The following TCTN3 variants were observed in gnomAD, a reference collection of about 807,000 sequenced individuals.
The protein encoded by TCTN3 is tectonic-3.
TCTN3 carries 57 observed loss-of-function variants against 71.3 expected under a neutral mutation model. That is an observed-to-expected ratio of 0.80 (90% CI 0.65 to 1.00). The LOEUF (loss-of-function observed/expected upper bound fraction) is 1.00, where lower values mean the gene tolerates loss of function less well. Ranked by LOEUF, TCTN3 falls within the 50% of genes least tolerant of loss-of-function variation. TCTN3 has a pLI of 0.00. For synonymous variants in TCTN3, 258 were observed against 267.8 expected, an observed-to-expected ratio of 0.96 and a Z score of 0.36; for missense variants, 696 against 719.9, an observed-to-expected ratio of 0.97 and a Z score of 0.38.
At chr10:95,671,524 T>C (rs542801978) in intron 13 of TCTN3, among the ~76,000 whole-genome samples, 7 of 152,346 alleles carry the variant, frequency 4.6e-5, no homozygotes, top group Non-Finnish European at 1.0e-4. Flanking sequence ...CCATTATATG[T>C]TAATACCCTA....
At chr10:95,668,635 C>T (rs1337691064) in intron 13 of TCTN3, among the ~76,000 whole-genome samples, 2 of 140,738 alleles carry the variant, frequency 1.4e-5, no homozygotes, top group African/African-American at 4.9e-5. Context: ...AAATACTTTA[C>T]ATGCATCTTC....
chr10:95,673,137 C>T (rs994908446), intron 13 of TCTN3, among the ~76,000 whole-genome samples: 1 of 152,106 alleles, frequency 6.6e-6, no homozygotes, highest in African/African-American at 2.4e-5. Context: ...AGCCTGTTTT[C>T]TCATTTTCAT....
At chr10:95,691,747 C>T (rs563617903) in intron 3 of TCTN3, among the ~76,000 whole-genome samples, 18 of 152,248 alleles carry the variant, frequency 1.2e-4, no homozygotes, top group South Asian at 8.3e-4. Context: ...ATGTTATAGC[C>T]ATCACCAGCA....
chr10:95,682,382 C>T (rs1448073838), intron 12 of TCTN3, among the ~76,000 whole-genome samples: 2 of 151,634 alleles, frequency 1.3e-5, no homozygotes, highest in African/African-American at 4.8e-5. Context: ...CCCAGCTACT[C>T]GGGAGGCTGA....
At chr10:95,687,486 A>C in intron 4 of TCTN3, 106 bp downstream of exon 4, 3 of 1,547,836 alleles carry the variant, frequency 1.9e-6, no homozygotes, top group Non-Finnish European at 2.6e-6. Flanking sequence ...AAGAGCTGAC[A>C]ATGGTTTAGC....
chr10:95,680,479 G>T lies in TCTN3; in HGVS notation c.1583C>A (p.Ser528Tyr). The part of the protein sequence containing the change: ...SGVRFLYQCQ[S>Y]IQDSQQVTEV... ...TTATGAGCCATGACTTACCTGTATA[G>T]ACTGGCACTGGTATAGGAATCGAAC... The change falls in exon 13 of 14, where the codon TCT (serine) becomes TAT (tyrosine). Residue 528 changes from serine (S) to tyrosine (Y), a missense_variant. Coordinates refer to ENST00000371217, the MANE Select transcript of TCTN3 (RefSeq NM_015631.6). The T allele has an allele frequency of 6.2e-7, 1 of 1,613,896 alleles. No homozygotes were observed. The highest frequency in any genetic ancestry group is 8.5e-7 in the Non-Finnish European group (1 of 1,179,896).
In TCTN3 at chr10:95,683,560, T is replaced by TC. The variant is rs763557318; in HGVS notation, c.1164dup (p.Lys389GlufsTer8). 30 of 1,614,180 alleles carry TC rather than the reference T, an allele frequency of 1.9e-5. No individual in the cohort carries two copies. The highest frequency in any genetic ancestry group is 2.5e-5 in the Non-Finnish European group (30 of 1,180,026). ...TCATCAGTCAGAGCCAAGAGTGGCT[T>TC]CCCAACTATATAGCCAGGATTCCCA... On this transcript the variant is annotated frameshift_variant, in exon 10 of 14. Transcript: ENST00000371217. LOFTEE classifies it high-confidence loss of function.
At chr10:95,680,650 G>C (rs778799516) in intron 12 of TCTN3, 41 bp from the exon 13 acceptor site, 1 of 1,600,566 alleles carries the variant, frequency 6.2e-7, no homozygotes, top group South Asian at 1.1e-5. Flanking sequence ...ATTGCCTGAT[G>C]GTTGCCTATA....
rs371316947 is a variant in TCTN3, at chr10:95,693,756, C to T, written c.144G>A (p.Gln48=). Residue 48 remains glutamine (Q), a synonymous_variant, in exon 1 of 14, where the codon CAG becomes CAA. Transcript: ENST00000371217. ...LQRGTDGGTL[Q]SPSEATATRP... ...GAGTTGCAGTCGCCTCTGAAGGGGA[C>T]TGGAGGGTTCCGCCATCCGTCCCTC... 7 of 1,551,680 alleles carry T rather than the reference C, an allele frequency of 4.5e-6. No homozygotes were observed. The South Asian group carries it at 7.1e-5, about 16-fold the overall frequency.
At chr10:95,679,019 A>C (rs981898872) in intron 13 of TCTN3, among the ~76,000 whole-genome samples, 43 of 152,222 alleles carry the variant, frequency 2.8e-4, no homozygotes, top group African/African-American at 1.0e-3. Context: ...ATTTTTACTT[A>C]ATAATTGGAA....
intron 13 of TCTN3, among the ~76,000 whole-genome samples, chr10:95,666,239 C>G (rs919484741): frequency 3.3e-5 from 4 of 121,678 alleles, no homozygotes; most frequent in Admixed American, 7.8e-5. Context: ...CCATGCCCAG[C>G]CTTTTTTTTT....
chr10:95,683,271 C>A, intron 10 of TCTN3, 76 bp from the exon 11 acceptor site: 1 of 1,544,242 alleles, frequency 6.5e-7, no homozygotes, highest in Admixed American at 1.9e-5. Context: ...TTTATGTTCT[C>A]ATTCTCCTTT....
In TCTN3 at chr10:95,693,677, C is replaced by T. The variant is rs1391185443; in HGVS notation, c.223G>A (p.Ala75Thr). The T allele has an allele frequency of 3.2e-6, 5 of 1,551,584 alleles. No individual in the cohort carries two copies. In the Admixed American group the frequency reaches 7.8e-5, roughly 24 times the overall value. ...AGGTCCACAGTCCTATTCCCAGGGGCCGAGGGAGTCACGAGAGTAGGGACC... is the reference window on the plus strand; with the variant it reads ...AGGTCCACAGTCCTATTCCCAGGGGTCGAGGGAGTCACGAGAGTAGGGACC... ...TVVPTLVTPS[A>T]PGNRTVDLFP... The change falls in exon 1 of 14, where the codon GCC (alanine) becomes ACC (threonine). Residue 75 changes from alanine to threonine, a missense_variant. By Grantham distance (58) the Ala-to-Thr change is moderately conservative. Transcript: ENST00000371217.
intron 13 of TCTN3, among the ~76,000 whole-genome samples, chr10:95,667,915 G>A (rs1158097594): frequency 6.6e-6 from 1 of 152,080 alleles, no homozygotes; most frequent in East Asian, 1.9e-4. Context: ...GAGAGTTGAA[G>A]ATTGACAAAC....
chr10:95,682,364 C>T (rs1279200439), intron 12 of TCTN3, among the ~76,000 whole-genome samples: 1 of 151,980 alleles, frequency 6.6e-6, no homozygotes, highest in South Asian at 2.1e-4. Context: ...GTGGCGGGTG[C>T]CTGCAGTCCC....
chr10:95,678,258 G>C (rs540222939), intron 13 of TCTN3, among the ~76,000 whole-genome samples: 1 of 152,280 alleles, frequency 6.6e-6, no homozygotes, highest in African/African-American at 2.4e-5. Context: ...GAGGCTGGGC[G>C]TGGTGGCTCA....
chr10:95,672,668 G>C (rs2097932824), intron 13 of TCTN3, among the ~76,000 whole-genome samples: 1 of 143,210 alleles, frequency 7.0e-6, no homozygotes, highest in Non-Finnish European at 1.5e-5. Flanking sequence ...CTCCATTTGT[G>C]AAGTATCTGT....
At chr10:95,677,159 T>C (rs1406191927) in intron 13 of TCTN3, among the ~76,000 whole-genome samples, 1 of 152,188 alleles carries the variant, frequency 6.6e-6, no homozygotes, top group Non-Finnish European at 1.5e-5. Flanking sequence ...CAATTGATAC[T>C]GCATATTCCT....
At chr10:95,689,325 T>C (rs1309022541) in intron 3 of TCTN3, among the ~76,000 whole-genome samples, 2 of 152,210 alleles carry the variant, frequency 1.3e-5, no homozygotes, top group Non-Finnish European at 2.9e-5. Context: ...ATATTAGAAT[T>C]TGAAAAGCAT....
Sources: allele counts gnomAD v4.1 joint callset (sites outside exome capture counted in the v4.1 genomes callset), GRCh38; gene constraint gnomAD v4.1.1; transcripts MANE v1.5; gene names NCBI Gene and HGNC (gene_info 2026-07-23, HGNC 2026-07-21).